Variants in NBEAL2 observed in about 807,000 individuals in gnomAD.
NBEAL2 encodes the protein neurobeachin-like protein 2.
A neutral mutation model predicts 299.8 loss-of-function variants in NBEAL2; 160 were observed. The ratio of observed to expected loss-of-function variants is 0.53; its 90% CI spans 0.47 to 0.61. The LOEUF (loss-of-function observed/expected upper bound fraction) is 0.61. Ranked by LOEUF, NBEAL2 falls within the 20% of genes least tolerant of loss-of-function variation. NBEAL2 has a pLI of 0.00. For synonymous variants in NBEAL2, 1,493 were observed against 1,542.3 expected, an observed-to-expected ratio of 0.97 and a Z score of 0.75; for missense variants, 3,112 against 3,649.0, an observed-to-expected ratio of 0.85 and a Z score of 3.79.
In NBEAL2 at chr3:47,001,135, G is replaced by T. The variant is rs1314839596; in HGVS notation, c.4440G>T (p.Gly1480=). The change falls in exon 28 of 54, where the codon GGG becomes GGT. Residue 1480 remains glycine, a synonymous_variant. Coordinates refer to ENST00000450053, the MANE Select transcript of NBEAL2 (RefSeq NM_015175.3). This position sits in a 1 kb window ranked among gnomAD's most constrained non-coding sequence, Gnocchi z 6.1. Reference sequence around the variant, plus strand: ...TTTTCTCAGTGCTCACCCAGCTGGGGGCCTCAGCCACACTTGTGCGCCCAC... The same window carrying T: ...TTTTCTCAGTGCTCACCCAGCTGGGTGCCTCAGCCACACTTGTGCGCCCAC... ...GQVFSVLTQL[G]ASATLVRPPD... 1.2e-6 allele frequency: 2 copies of T among 1,612,748 alleles called. No homozygotes were observed. The highest frequency in any genetic ancestry group is 4.5e-5 in the East Asian group (2 of 44,870).
chr3:46,988,734 A>G lies in NBEAL2; in HGVS notation c.117A>G (p.Ser39=). ...TAGGTGCCTTCAAGAAGAGCATCTC[A>G]CTGTCCTCTCTGGAGCCACGAAGGT... is the stretch of plus-strand genomic sequence containing the variant. ...AFVGAFKKSI[S]LSSLEPRRPE... Residue 39 remains serine, a synonymous_variant, in exon 2 of 54, where the codon TCA becomes TCG. Transcript: ENST00000450053. This position sits in a 1 kb window ranked among gnomAD's most constrained non-coding sequence, Gnocchi z 4.4. 6.2e-7 allele frequency: 1 copy of G among 1,613,772 alleles called. No individual in the cohort carries two copies. Among genetic ancestry groups the G allele is most frequent in the Non-Finnish European group, 8.5e-7 (1 of 1,179,728 alleles).
chr3:47,008,090 G>GT lies in NBEAL2; in HGVS notation c.7623_7624insT (p.Ala2542CysfsTer23). 6.2e-7 allele frequency: 1 copy of GT among 1,613,988 alleles called. No homozygotes were observed. Among genetic ancestry groups the GT allele is most frequent in the Non-Finnish European group, 8.5e-7 (1 of 1,179,880 alleles). On this transcript the variant is annotated frameshift_variant, in exon 50 of 54. Coordinates refer to ENST00000450053, the MANE Select transcript of NBEAL2 (RefSeq NM_015175.3). LOFTEE classifies it high-confidence loss of function. The stretch of plus-strand genomic sequence containing the variant: ...CACAGGGTGGTCTGTCAGTAGGCCT[G>GT]GCACCAAAGCCTGTGCAGGTCCTGT...
chr3:47,009,154 C>T (rs746180122), intron 53 of NBEAL2, 30 bp downstream of exon 53: 15 of 1,550,576 alleles, frequency 9.7e-6, no homozygotes, highest in Admixed American at 1.9e-5. Context: ...GGGGAGGCCC[C>T]TCGAACGGGG....
At position 47,001,060 on chromosome 3, in the gene NBEAL2, G is replaced by A; in HGVS notation, c.4365G>A (p.Trp1455Ter). 6.2e-7 allele frequency: 1 copy of A among 1,612,290 alleles called. No individual in the cohort carries two copies. The highest frequency in any genetic ancestry group is 8.5e-7 in the Non-Finnish European group (1 of 1,179,310). The change falls in exon 28 of 54, where the codon TGG becomes TGA. Residue 1455 changes from tryptophan to a stop codon, truncating the protein, a stop_gained. Coordinates refer to ENST00000450053, the MANE Select transcript of NBEAL2 (RefSeq NM_015175.3). LOFTEE classifies it high-confidence loss of function. The surrounding 1 kb of genome is among the most constrained non-coding windows in gnomAD (Gnocchi z 6.1). ...LLTNVLFSVT[W>*]RGVEGSDEAA... ...CCAACGTGCTGTTCTCGGTGACGTG[G>A]CGTGGCGTGGAAGGCAGCGATGAGG...
intron 11 of NBEAL2, 119 bp from the exon 12 acceptor site, chr3:46,994,336 G>C: frequency 3.3e-6 from 3 of 910,462 alleles, no homozygotes; most frequent in Non-Finnish European, 5.2e-6. Context: ...CTGTCACCCA[G>C]AGGCAGAGCT....
At position 46,982,325 on chromosome 3, in the gene NBEAL2, C is replaced by T. The variant is rs1440259338; in HGVS notation, c.51+2413C>T. ...CCCTCCCTTCAGCAGTGAGAGCTGA[C>T]ATCAGCTGGCAAACCTGTTTCCCCA... On this transcript the variant is annotated intron_variant, in intron 1 of 53. Coordinates refer to ENST00000450053, the MANE Select transcript of NBEAL2 (RefSeq NM_015175.3). This position sits in a 1 kb window ranked among gnomAD's most constrained non-coding sequence, Gnocchi z 4.2. 6.6e-6 allele frequency among the ~76,000 whole-genome samples: 1 copy of T among 152,188 alleles called. No individual in the cohort carries two copies. The highest frequency in any genetic ancestry group is 1.5e-5 in the Non-Finnish European group (1 of 68,026).
At position 46,999,295 on chromosome 3, in the gene NBEAL2, C is replaced by T; in HGVS notation, c.3544-20C>T. On this transcript the variant is annotated intron_variant, in intron 24 of 53. Coordinates refer to ENST00000450053, the MANE Select transcript of NBEAL2 (RefSeq NM_015175.3). ...TAACTCCTTCCACATGATGACAGTC[C>T]TCCGATGACCCCCACACAGATCCTG... 1 of 1,586,976 alleles carries T rather than the reference C, an allele frequency of 6.3e-7. No individual in the cohort carries two copies. Among genetic ancestry groups the T allele is most frequent in the Non-Finnish European group, 8.6e-7 (1 of 1,163,442 alleles).
chr3:46,981,499 C>T (rs1260948510), intron 1 of NBEAL2, among the ~76,000 whole-genome samples: 1 of 152,164 alleles, frequency 6.6e-6, no homozygotes, highest in African/African-American at 2.4e-5. Context: ...GCTTCCTGGA[C>T]TCTGTGGAGA....
In NBEAL2 at chr3:46,996,812, G is replaced by A; in HGVS notation, c.2535G>A (p.Leu845=). 6.2e-7 allele frequency: 1 copy of A among 1,612,732 alleles called. No individual in the cohort carries two copies. Among genetic ancestry groups the A allele is most frequent in the Non-Finnish European group, 8.5e-7 (1 of 1,179,806 alleles). The change falls in exon 17 of 54, where the codon CTG becomes CTA. Residue 845 remains leucine (L), a synonymous_variant. Coordinates refer to ENST00000450053, the MANE Select transcript of NBEAL2 (RefSeq NM_015175.3). ...EGELHELSTR[L]LLHYSPQACK... ...AGCTGCATGAGCTCAGCACCAGGCT[G>A]CTCCTCCATTACTCACCTCAGGTAT...
In NBEAL2 at chr3:46,989,576, T is replaced by A; in HGVS notation, c.539T>A (p.Phe180Tyr). The A allele has an allele frequency of 6.3e-7, 1 of 1,593,970 alleles. No individual in the cohort carries two copies. The highest frequency in any genetic ancestry group is 1.1e-5 in the South Asian group (1 of 87,690). The change falls in exon 6 of 54, where the codon TTC becomes TAC. Residue 180 changes from phenylalanine to tyrosine, a missense_variant. This residue lies in a region of NBEAL2 where 2,243 missense variants were observed against 2,538.1 expected (regional missense o/e 0.88). Transcript: ENST00000450053. This position sits in a 1 kb window ranked among gnomAD's most constrained non-coding sequence, Gnocchi z 5.5. ...CCTCCTGCTGCTTTGCCCCAGGAAT[T>A]CAGCGCCTTCTTCCAAGGTCAGGCC... ...KFPPAALPQEFSAFFQESLQN... is the reference protein window; with the variant it reads ...KFPPAALPQEYSAFFQESLQN...
Position 46,997,036 on chromosome 3 carries a change from G to A in NBEAL2, c.2639G>A (p.Trp880Ter), listed in dbSNP as rs1248019346. Reference protein sequence around the residue: ...GRLTGHRVETWDVKDVVNCVG... With the variant: ...GRLTGHRVET ...CTGACGGGCCACAGAGTGGAGACCT[G>A]GGATGTGAAGGTCTGTGAGCACGTG... The change falls in exon 18 of 54, where the codon TGG (tryptophan) becomes TAG (stop). Residue 880 changes from tryptophan (W) to a stop codon, truncating the protein, a stop_gained. Coordinates refer to ENST00000450053, the MANE Select transcript of NBEAL2 (RefSeq NM_015175.3). LOFTEE classifies it high-confidence loss of function. The A allele has an allele frequency of 2.5e-6, 4 of 1,612,790 alleles. No individual in the cohort carries two copies. Among genetic ancestry groups the A allele is most frequent in the Non-Finnish European group, 3.4e-6 (4 of 1,179,356 alleles).
At position 46,991,609 on chromosome 3, in the gene NBEAL2, T is replaced by C; in HGVS notation, c.846T>C (p.His282=). The C allele has an allele frequency of 1.9e-6, 3 of 1,600,358 alleles. No individual in the cohort carries two copies. Among genetic ancestry groups the C allele is most frequent in the South Asian group, 1.1e-5 (1 of 91,072 alleles). Residue 282 remains histidine, a synonymous_variant, in exon 8 of 54, where the codon CAT becomes CAC. Transcript: ENST00000450053. This position sits in a 1 kb window ranked among gnomAD's most constrained non-coding sequence, Gnocchi z 6.2. ...GTGCCCTGCTTGAGAGCTACTTCCATGTCCTTAATGCTGACTGGCCAGCTG... is the reference window on the plus strand; with the variant it reads ...GTGCCCTGCTTGAGAGCTACTTCCACGTCCTTAATGCTGACTGGCCAGCTG... The part of the protein sequence containing the change: ...ELRALLESYF[H]VLNADWPAGL...
chr3:46,987,855 C>T lies in NBEAL2; in HGVS notation c.52-814C>T, dbSNP rs569060237. The T allele has an allele frequency of 3.0e-4, 86 of 286,138 alleles. No individual in the cohort carries two copies. The East Asian group carries it at 3.7e-3, about 12-fold the overall frequency. 17.7% of individuals were successfully genotyped at this position (286,138 alleles called of 1,614,324 possible). On this transcript the variant is annotated intron_variant, in intron 1 of 53. Transcript: ENST00000450053. ...CTGTGCAGGCCAGGTCGCTTGCAGC[C>T]TCTCTCACTGGGGCCCAGGGTGCCC...
chr3:46,986,716 A>G (rs1335480795), intron 1 of NBEAL2, among the ~76,000 whole-genome samples: 1 of 152,136 alleles, frequency 6.6e-6, no homozygotes, highest in Non-Finnish European at 1.5e-5. Flanking sequence ...CATGGTCCTC[A>G]TGGGCTGGCT....
chr3:46,992,487 T>C lies in NBEAL2; in HGVS notation c.1045T>C (p.Ser349Pro). The change falls in exon 10 of 54, where the codon TCC (serine) becomes CCC (proline). Residue 349 changes from serine to proline, a missense_variant. Transcript: ENST00000450053. The part of the protein sequence containing the change: ...LIQNSKLYLQ[S>P]RAPPEGDSDL... ...CACTTCCCCACAGCTGTACCTGCAG[T>C]CCCGGGCGCCCCCCGAGGGGGACAG... 1.2e-6 allele frequency: 2 copies of C among 1,605,742 alleles called. No homozygotes were observed. The highest frequency in any genetic ancestry group is 1.7e-6 in the Non-Finnish European group (2 of 1,176,710).
At chr3:46,993,854 C>G (rs779932843) in intron 10 of NBEAL2, 83 bp from the exon 11 acceptor site, 10 of 1,276,194 alleles carry the variant, frequency 7.8e-6, no homozygotes, top group Non-Finnish European at 1.1e-5. Context: ...GGGTGCTTGG[C>G]TCTGCACCTT....
At chr3:46,980,725 G>T (rs573705501) in intron 1 of NBEAL2, among the ~76,000 whole-genome samples, 25 of 152,236 alleles carry the variant, frequency 1.6e-4, no homozygotes, top group African/African-American at 5.8e-4. Flanking sequence ...TGTCCCATCA[G>T]CTGAGAACCT....
At position 46,988,239 on chromosome 3, in the gene NBEAL2, C is replaced by T. The variant is rs927965327; in HGVS notation, c.52-430C>T. On this transcript the variant is annotated intron_variant, in intron 1 of 53. Transcript: ENST00000450053. The surrounding 1 kb of genome is among the most constrained non-coding windows in gnomAD (Gnocchi z 4.4). The stretch of plus-strand genomic sequence containing the variant: ...TGGCTGCTGGGCTGGGTGAAGATGG[C>T]AGATGAGGACCCAGCCCAAGGCTCT... Among the ~76,000 whole-genome samples the T allele has an allele frequency of 6.6e-6, 1 of 152,184 alleles. No individual in the cohort carries two copies. Among genetic ancestry groups the T allele is most frequent in the African/African-American group, 2.4e-5 (1 of 41,442 alleles).
rs758141574 is a variant in NBEAL2, at chr3:47,003,867, C to T, written c.5772C>T (p.Ala1924=). ...DEQREKLVLS[A]ECQLVTVVAV... ...AGCGTGAGAAGCTGGTGCTGTCGGC[C>T]GAGTGCCAGCTGGTGACGGTAGTGG... The change falls in exon 36 of 54, where the codon GCC becomes GCT. Residue 1924 remains alanine, a synonymous_variant. Coordinates refer to ENST00000450053, the MANE Select transcript of NBEAL2 (RefSeq NM_015175.3). This position sits in a 1 kb window ranked among gnomAD's most constrained non-coding sequence, Gnocchi z 7.0. The T allele has an allele frequency of 5.0e-6, 8 of 1,613,232 alleles. No homozygotes were observed. The highest frequency in any genetic ancestry group is 1.7e-5 in the Admixed American group (1 of 59,896).
Sources: gnomAD v4.1 joint callset for allele counts (sites outside exome capture counted in the v4.1 genomes callset) on GRCh38, gnomAD v4.1.1 for gene constraint, gnomAD v4.1.1 regional missense constraint, Gnocchi (gnomAD v3.1) non-coding constraint, MANE v1.5 for transcripts, NCBI Gene and HGNC (gene_info 2026-07-23, HGNC 2026-07-21) for gene names.